The following CNOT2 variants were observed in gnomAD, a reference collection of about 807,000 sequenced individuals.
The protein encoded by CNOT2 is CCR4-NOT transcription complex subunit 2, also known as CC chemokine receptor 4-negative regulator of transcription 2.
In CNOT2, 7 loss-of-function variants were observed where a neutral mutation model predicts 72.1. The ratio of observed to expected loss-of-function variants is 0.10; its 90% CI spans 0.06 to 0.18. CNOT2 has a LOEUF of 0.18. Among genes scored for constraint, CNOT2 ranks in the 10% least tolerant of loss-of-function variants. CNOT2 has a pLI of 1.00. For synonymous variants in CNOT2, 196 were observed against 225.6 expected (o/e 0.87, Z 1.17); for missense variants, 345 against 660.3 (o/e 0.52, Z 5.23).
chr12:70,342,838 A>G (rs774707520), intron 13 of CNOT2, among the ~76,000 whole-genome samples: 2 of 152,190 alleles, frequency 1.3e-5, no homozygotes, highest in Non-Finnish European at 2.9e-5. Flanking sequence ...GTTTGTTTCT[A>G]TTACCAAAAA....
At chr12:70,246,675 A>G (rs1369088291) in intron 1 of CNOT2, among the ~76,000 whole-genome samples, 1 of 152,220 alleles carries the variant, frequency 6.6e-6, no homozygotes, top group Non-Finnish European at 1.5e-5. Flanking sequence ...ATGTCATTGT[A>G]GAAAGTTTGC....
chr12:70,346,567 A>G, intron 15 of CNOT2: 1 of 320,856 alleles, frequency 3.1e-6, no homozygotes, highest in Non-Finnish European at 5.6e-6. Flanking sequence ...CCTTGGTAAC[A>G]TTTGAAATAT....
chr12:70,311,785 C>T (rs967780106), intron 3 of CNOT2, among the ~76,000 whole-genome samples: 4 of 151,918 alleles, frequency 2.6e-5, no homozygotes, highest in Admixed American at 2.0e-4. Flanking sequence ...ACTTTATAAA[C>T]TTGCTATGCC....
intron 1 of CNOT2, among the ~76,000 whole-genome samples, chr12:70,257,353 C>CTTTTTTTTTTT (rs1565733065): frequency 1.4e-5 from 2 of 138,938 alleles, no homozygotes; most frequent in African/African-American, 2.7e-5. Flanking sequence ...CCAACTACCC[C>CTTTTTTTTTTT]CTTTTTTTTT....
intron 1 of CNOT2, among the ~76,000 whole-genome samples, chr12:70,272,973 T>C (rs1287978811): frequency 6.6e-6 from 1 of 152,204 alleles, no homozygotes; most frequent in African/African-American, 2.4e-5. Context: ...TTTGTGCCTA[T>C]CTAAGGCCAT....
At chr12:70,337,909 T>C (rs1880915147) in intron 9 of CNOT2, 4 of 330,538 alleles carry the variant, frequency 1.2e-5, no homozygotes, top group South Asian at 5.1e-5. Flanking sequence ...TTAACAAATA[T>C]GTTTATTTCT....
intron 2 of CNOT2, among the ~76,000 whole-genome samples, chr12:70,282,475 G>T (rs760675121): frequency 5.3e-5 from 8 of 152,084 alleles, no homozygotes; most frequent in Non-Finnish European, 1.0e-4. Context: ...AAAAATCACA[G>T]ATGCCTATTA....
Position 70,346,215 on chromosome 12 carries a change from G to A in CNOT2, c.1427G>A (p.Arg476Gln), listed in dbSNP as rs748350437. The change falls in exon 15 of 16, where the codon CGA becomes CAA. Residue 476 changes from arginine (R) to glutamine (Q), a missense_variant. Physicochemically the swap from Arg to Gln is conservative, Grantham distance 43. This residue lies in a region of CNOT2 where 53 missense variants were observed against 153.4 expected (regional missense o/e 0.35). Transcript: ENST00000229195. ...GATTGGAGATACCACAAAGAAGAACGAGTATGGATTACCAGGGCACCAGGC... is the reference window on the plus strand; with the variant it reads ...GATTGGAGATACCACAAAGAAGAACAAGTATGGATTACCAGGGCACCAGGC... ...NRDWRYHKEE[R>Q]VWITRAPGME... The A allele has an allele frequency of 1.2e-6, 2 of 1,609,330 alleles. No homozygotes were observed. Among genetic ancestry groups the A allele is most frequent in the Non-Finnish European group, 1.7e-6 (2 of 1,175,936 alleles).
At chr12:70,299,439 G>T (rs1873461469) in intron 2 of CNOT2, among the ~76,000 whole-genome samples, 1 of 129,542 alleles carries the variant, frequency 7.7e-6, no homozygotes, top group South Asian at 2.3e-4. Context: ...TGTTCTCATT[G>T]TTCAATTCCC....
intron 4 of CNOT2, among the ~76,000 whole-genome samples, chr12:70,320,897 A>C (rs920314783): frequency 9.2e-5 from 14 of 151,842 alleles, no homozygotes; most frequent in African/African-American, 3.1e-4. Flanking sequence ...TTTAGCCTAC[A>C]AATCTGAAAT....
Position 70,330,420 on chromosome 12 carries a change from A to G in CNOT2, c.520A>G (p.Ile174Val). The G allele has an allele frequency of 3.1e-6, 5 of 1,612,636 alleles. No individual in the cohort carries two copies. The highest frequency in any genetic ancestry group is 4.2e-6 in the Non-Finnish European group (5 of 1,179,066). ...CCCCAACAGAAGCTCGCCAAGCATA[A>G]TATGTATGCCAAAGCAGCAGCCTTC... ...GSPNRSSPSI[I>V]CMPKQQPSRQ... The change falls in exon 6 of 16, where the codon ATA (isoleucine) becomes GTA (valine). Residue 174 changes from isoleucine (I) to valine (V), a missense_variant. Physicochemically the swap from Ile to Val is conservative, Grantham distance 29. This residue lies in a region of CNOT2 where 157 missense variants were observed against 235.3 expected (regional missense o/e 0.67). Transcript: ENST00000229195.
intron 2 of CNOT2, among the ~76,000 whole-genome samples, chr12:70,304,951 G>A (rs538830868): frequency 3.3e-4 from 50 of 152,334 alleles, no homozygotes; most frequent in African/African-American, 1.1e-3. Flanking sequence ...GCCGGGCTCC[G>A]TGGGCGTAGG....
intron 2 of CNOT2, among the ~76,000 whole-genome samples, chr12:70,306,149 T>A (rs1875337883): frequency 6.6e-6 from 1 of 152,082 alleles, no homozygotes; most frequent in Non-Finnish European, 1.5e-5. Flanking sequence ...TCTGTATTTT[T>A]AATTTAATTT....
chr12:70,353,075 CTTTT>C (rs372881091), intron 15 of CNOT2, among the ~76,000 whole-genome samples: 2 of 135,492 alleles, frequency 1.5e-5, no homozygotes, highest in African/African-American at 2.7e-5. Flanking sequence ...ATGTGTTTTC[CTTTT>C]TTTTTTTTTT....
chr12:70,312,475 GAT>G (rs976887993), intron 3 of CNOT2, among the ~76,000 whole-genome samples: 58 of 151,966 alleles, frequency 3.8e-4, no homozygotes, highest in African/African-American at 1.3e-3. Flanking sequence ...ATGACAAAGA[GAT>G]ATATGTCTTC....
chr12:70,317,802 A>G (rs952515882), intron 3 of CNOT2, among the ~76,000 whole-genome samples: 3 of 151,844 alleles, frequency 2.0e-5, no homozygotes, highest in African/African-American at 7.3e-5. Flanking sequence ...TGACATGAAA[A>G]TAGTATGAAA....
Position 70,257,243 on chromosome 12 carries a change from A to G in CNOT2, c.-96+13763A>G, listed in dbSNP as rs187334370. ...TAGTATTCTCTCTGTAAGAACAGGT[A>G]TAATATACTTAACTCAGAGGTTAGA... On this transcript the variant is annotated intron_variant, in intron 1 of 15. Coordinates refer to ENST00000229195, the MANE Select transcript of CNOT2 (RefSeq NM_014515.7). Among the ~76,000 whole-genome samples, 524 of 152,168 alleles carry G rather than the reference A, an allele frequency of 3.4e-3. 1 individual carries two copies. The highest frequency in any genetic ancestry group is 0.012 in the African/African-American group (490 of 41,532).
intron 3 of CNOT2, among the ~76,000 whole-genome samples, chr12:70,317,611 A>ATTTTTTT (rs529433652): frequency 1.9e-5 from 2 of 105,442 alleles, no homozygotes; most frequent in African/African-American, 3.7e-5. Flanking sequence ...ATAAGGTTTG[A>ATTTTTTT]TTTTTTTTTT....
chr12:70,352,975 G>A (rs1431857513), intron 15 of CNOT2, among the ~76,000 whole-genome samples: 2 of 151,834 alleles, frequency 1.3e-5, no homozygotes, highest in African/African-American at 4.8e-5. Flanking sequence ...ATTTGAGTCA[G>A]GGTTTTGGGT....
Sources: gnomAD v4.1 joint callset for allele counts (sites outside exome capture counted in the v4.1 genomes callset) on GRCh38, gnomAD v4.1.1 for gene constraint, gnomAD v4.1.1 regional missense constraint, MANE v1.5 for transcripts, NCBI Gene and HGNC (gene_info 2026-07-23, HGNC 2026-07-21) for gene names.